SLC4A4: variants seen among roughly 807,000 people sequenced by gnomAD.
SLC4A4 encodes the protein solute carrier family 4 member 4.
In SLC4A4, 27 loss-of-function variants were observed where a neutral mutation model predicts 111.5. The observed-to-expected ratio is 0.24, with a 90% CI of 0.18 to 0.33. The LOEUF (loss-of-function observed/expected upper bound fraction) is 0.33, where lower values mean the gene tolerates loss of function less well. Among genes scored for constraint, SLC4A4 ranks in the 10% least tolerant of loss-of-function variants. SLC4A4 has a pLI of 1.00. For synonymous variants in SLC4A4, 443 were observed against 463.4 expected (o/e 0.96, Z 0.57); for missense variants, 909 against 1,315.5 (o/e 0.69, Z 4.78).
At chr4:71,437,936 C>T in intron 7 of SLC4A4, 1 of 162,724 alleles carries the variant, frequency 6.1e-6, no homozygotes, top group Non-Finnish European at 1.3e-5. Context: ...GTCGTTAGCT[C>T]ACGCAAGAGG....
intron 1 of SLC4A4, among the ~76,000 whole-genome samples, chr4:71,222,855 T>G (rs1012330422): frequency 6.6e-6 from 1 of 152,226 alleles, no homozygotes; most frequent in Non-Finnish European, 1.5e-5. Context: ...CCTTGGCATG[T>G]GTGAATTTAA....
chr4:71,371,200 C>G (rs1176200089), intron 6 of SLC4A4, among the ~76,000 whole-genome samples: 1 of 150,426 alleles, frequency 6.6e-6, no homozygotes, highest in Non-Finnish European at 1.5e-5. Context: ...ATGGAAAATC[C>G]TACCTCCATG....
rs532990609 is a variant in SLC4A4 at position 71,153,177 on chromosome 4, A to C, written c.-2+60385A>C. On this transcript the variant is annotated intron_variant, in intron 2 of 26. Transcript: ENST00000649996. ...CCAAAACTGAAGAACCTGGAGTCTG[A>C]TGTTTGAGGGCAGGAAGCATCCAGT... is the stretch of plus-strand genomic sequence containing the variant. 7.9e-5 allele frequency among the ~76,000 whole-genome samples: 12 copies of C among 151,902 alleles called. 1 individual carries two copies. The highest frequency in any genetic ancestry group is 3.4e-3 in the Middle Eastern group (1 of 294).
At chr4:71,157,162 T>C (rs1744500321) in intron 2 of SLC4A4, among the ~76,000 whole-genome samples, 1 of 152,154 alleles carries the variant, frequency 6.6e-6, no homozygotes, top group Non-Finnish European at 1.5e-5. Context: ...TCAACTGATA[T>C]CTGTAAGAAT....
At chr4:71,261,112 A>G (rs555383509) in intron 3 of SLC4A4, among the ~76,000 whole-genome samples, 2 of 152,274 alleles carry the variant, frequency 1.3e-5, no homozygotes, top group African/African-American at 4.8e-5. Flanking sequence ...TCCTAACGGC[A>G]TATTTGAGAG....
At chr4:71,532,242 T>G in intron 17 of SLC4A4, 67 bp downstream of exon 17, 2 of 987,680 alleles carry the variant, frequency 2.0e-6, no homozygotes, top group Non-Finnish European at 3.3e-6. Flanking sequence ...TATTCTAATT[T>G]ATTGTGTTTC....
intron 6 of SLC4A4, among the ~76,000 whole-genome samples, chr4:71,368,456 T>C (rs1002575217): frequency 4.7e-5 from 7 of 148,522 alleles, no homozygotes; most frequent in African/African-American, 1.7e-4. Context: ...TCTGAAGGGC[T>C]GAAAAACAGA....
Position 71,512,793 on chromosome 4 carries a change from G to A in SLC4A4, c.2166+15101G>A, listed in dbSNP as rs189732429. Among the ~76,000 whole-genome samples, 740 of 152,238 alleles carry A rather than the reference G, an allele frequency of 4.9e-3. 5 individuals carry two copies. Among genetic ancestry groups the A allele is most frequent in the Non-Finnish European group, 6.0e-3 (411 of 67,998 alleles). On this transcript the variant is annotated intron_variant, in intron 16 of 25. Transcript: ENST00000264485. ...TCTTACATATAAGTCTTTAATCAAT[G>A]TTGAGTTGATGTTTGCATATGGTGA...
chr4:71,352,149 T>C (rs1248503740), intron 5 of SLC4A4, among the ~76,000 whole-genome samples: 1 of 152,202 alleles, frequency 6.6e-6, no homozygotes, highest in Non-Finnish European at 1.5e-5. Context: ...AGTATAATGA[T>C]TGGCAACAAT....
chr4:71,203,538 A>T (rs1447049654), intron 1 of SLC4A4, among the ~76,000 whole-genome samples: 1 of 152,108 alleles, frequency 6.6e-6, no homozygotes, highest in African/African-American at 2.4e-5. Flanking sequence ...AAAACCACTT[A>T]ATGCCCTCTT....
intron 16 of SLC4A4, among the ~76,000 whole-genome samples, chr4:71,526,124 T>C (rs1321187818): frequency 6.6e-6 from 1 of 152,032 alleles, no homozygotes; most frequent in African/African-American, 2.4e-5. Context: ...GAGTAAGACA[T>C]GAATAGCCTG....
intron 1 of SLC4A4, among the ~76,000 whole-genome samples, chr4:71,230,075 GA>G (rs33930960): frequency 0.7 from 106,583 of 151,700 alleles, 40,604 homozygotes; most frequent in Non-Finnish European, 0.86. Context: ...TTAGAATCAT[GA>G]AAAAAAAATC....
chr4:71,280,432 T>C (rs972135302), intron 3 of SLC4A4, among the ~76,000 whole-genome samples: 1 of 152,222 alleles, frequency 6.6e-6, no homozygotes, highest in Admixed American at 6.5e-5. Flanking sequence ...TTTGCTTTTG[T>C]TGCTTGTGCT....
At position 71,344,766 on chromosome 4, in the gene SLC4A4, T is replaced by C. The variant is rs535049875; in HGVS notation, c.390-5146T>C. Among the ~76,000 whole-genome samples, 14 of 152,232 alleles carry C rather than the reference T, an allele frequency of 9.2e-5. No homozygotes were observed. In the South Asian group the frequency reaches 2.9e-3, roughly 32 times the overall value. ...ATGGCTAATGATTTCCTACACATTA[T>C]TGAGATGAGGAAATCTGTAGGCAGA... On this transcript the variant is annotated intron_variant, in intron 4 of 25. Coordinates refer to ENST00000264485, the MANE Select transcript of SLC4A4 (RefSeq NM_001098484.3).
chr4:71,255,800 A>G (rs1721410818), intron 3 of SLC4A4, among the ~76,000 whole-genome samples: 1 of 152,164 alleles, frequency 6.6e-6, no homozygotes, highest in South Asian at 2.1e-4. Flanking sequence ...GTATGTCTAT[A>G]TATTTACATA....
Position 71,571,278 on chromosome 4 carries a change from C to T in SLC4A4, c.*3527C>T, listed in dbSNP as rs1302339797. 2.0e-5 allele frequency: 3 copies of T among 152,260 alleles called. No individual in the cohort carries two copies. In the South Asian group the frequency reaches 6.2e-4, roughly 32 times the overall value. 9.4% of individuals were successfully genotyped at this position (152,260 alleles called of 1,614,324 possible). ...GCCTTCTTCAATCCTTTTCATACTA[C>T]TTAATGATTTTGGTGCAGGAACCTG... On this transcript the variant is annotated 3_prime_UTR_variant, in exon 26 of 26. Transcript: ENST00000264485.
rs1242528730 is a variant in SLC4A4 at position 71,567,902 on chromosome 4, T to A, written c.*151T>A. The A allele has an allele frequency of 1.4e-6, 2 of 1,397,928 alleles. No homozygotes were observed. Among genetic ancestry groups the A allele is most frequent in the Non-Finnish European group, 2.0e-6 (2 of 1,018,108 alleles). The allele number at this position is 1,397,928 out of a possible 1,614,324, so 86.6% of individuals were successfully genotyped here. ...CAGAAACTACATTGTAACCTGTTTG[T>A]CTTTCTTAAAACTGACATTTGTTGT... is the stretch of plus-strand genomic sequence containing the variant. On this transcript the variant is annotated 3_prime_UTR_variant, in exon 26 of 26. Transcript: ENST00000264485.
chr4:71,175,469 G>C (rs1353571760), intron 2 of SLC4A4, among the ~76,000 whole-genome samples: 3 of 152,354 alleles, frequency 2.0e-5, no homozygotes, highest in Middle Eastern at 3.4e-3. Context: ...AAAATTGGGT[G>C]ACTCCCACCC....
At chr4:71,481,813 T>TA (rs369121459) in intron 14 of SLC4A4, among the ~76,000 whole-genome samples, 143 of 151,810 alleles carry the variant, frequency 9.4e-4, no homozygotes, top group African/African-American at 3.0e-3. Context: ...AGGAAAGAGA[T>TA]ATGAAAATCC....
Sources: gnomAD v4.1 joint callset for allele counts (sites outside exome capture counted in the v4.1 genomes callset) on GRCh38, gnomAD v4.1.1 for gene constraint, MANE v1.5 for transcripts, NCBI Gene and HGNC (gene_info 2026-07-23, HGNC 2026-07-21) for gene names.